The following ALMS1 variants were observed in gnomAD, a reference collection of about 807,000 sequenced individuals.
ALMS1 encodes the protein centrosome-associated protein ALMS1.
In ALMS1, 271 loss-of-function variants were observed where a neutral mutation model predicts 352.2. That is an observed-to-expected ratio of 0.77 (90% CI 0.70 to 0.85). ALMS1 has a LOEUF of 0.85. Ranked by LOEUF, ALMS1 falls within the 40% of genes least tolerant of loss-of-function variation. The pLI, the probability that ALMS1 is intolerant of heterozygous loss-of-function variation, is 0.00. For missense variants in ALMS1, 5,445 were observed against 4,870.7 expected (o/e 1.12, Z -3.51); for synonymous variants, 1,865 against 1,761.2 (o/e 1.06, Z -1.48).
intron 9 of ALMS1, among the ~76,000 whole-genome samples, chr2:73,469,061 T>A (rs193049453): frequency 4.6e-5 from 7 of 152,092 alleles, no homozygotes; most frequent in Non-Finnish European, 1.0e-4. Flanking sequence ...ACCCAATGAT[T>A]TACTGACTTC....
chr2:73,460,724 C>T (rs1022872607), intron 9 of ALMS1, among the ~76,000 whole-genome samples: 3 of 152,226 alleles, frequency 2.0e-5, no homozygotes, highest in African/African-American at 2.4e-5. Context: ...CCTGGAAAAT[C>T]GCATCACTCC....
At chr2:73,606,476 C>T (rs1041787958) in intron 21 of ALMS1, among the ~76,000 whole-genome samples, 1 of 152,208 alleles carries the variant, frequency 6.6e-6, no homozygotes, top group Non-Finnish European at 1.5e-5. Flanking sequence ...AGCTTGCCTA[C>T]AGGAAGACAG....
In ALMS1 at chr2:73,449,200, T is replaced by C. The variant is rs2103776078; in HGVS notation, c.2673T>C (p.Pro891=). Residue 891 remains proline, a synonymous_variant, in exon 8 of 23, where the codon CCT becomes CCC. Coordinates refer to ENST00000613296, the MANE Select transcript of ALMS1 (RefSeq NM_001378454.1). ...AGGCTCTGAAAGTATCAATTGTTCC[T>C]GGACCAGGTGATCAGAAGACTGGGA... is the stretch of plus-strand genomic sequence containing the variant. The part of the protein sequence containing the change: ...TEEALKVSIV[P]GPGDQKTGIP... 1.2e-6 allele frequency: 2 copies of C among 1,614,166 alleles called. No individual in the cohort carries two copies. Among genetic ancestry groups the C allele is most frequent in the Non-Finnish European group, 1.7e-6 (2 of 1,180,008 alleles).
At chr2:73,457,524 A>AT (rs1672092479) in intron 9 of ALMS1, among the ~76,000 whole-genome samples, 1 of 152,032 alleles carries the variant, frequency 6.6e-6, no homozygotes, top group South Asian at 2.1e-4. Context: ...ATTACAGGCC[A>AT]TTACGCCTCG....
Position 73,452,863 on chromosome 2 carries a change from T to A in ALMS1, c.6336T>A (p.Ser2112Arg), listed in dbSNP as rs6724782. 0.26 allele frequency: 415,911 copies of A among 1,613,406 alleles called. 66,846 individuals are homozygous for A. Among genetic ancestry groups the A allele is most frequent in the African/African-American group, 0.77 (58,036 of 74,982 alleles). ...TCAGTCCACAGGAATTGCCAGGTAGTCATGTAACTGAAGATGTGCTGAAGG... is the reference window on the plus strand; with the variant it reads ...TCAGTCCACAGGAATTGCCAGGTAGACATGTAACTGAAGATGTGCTGAAGG... Reference protein sequence around the residue: ...NIFSPQELPGSHVTEDVLKVS... With the variant: ...NIFSPQELPGRHVTEDVLKVS... The change falls in exon 8 of 23, where the codon AGT becomes AGA. Residue 2112 changes from serine (S) to arginine (R), a missense_variant. Transcript: ENST00000613296.
chr2:73,557,396 T>A, intron 14 of ALMS1, 42 bp downstream of exon 14: 1 of 1,612,838 alleles, frequency 6.2e-7, no homozygotes, highest in Non-Finnish European at 8.5e-7. Context: ...TCTTCTGGTC[T>A]TCTAAAATGA....
intron 10 of ALMS1, among the ~76,000 whole-genome samples, chr2:73,499,916 C>G (rs548148253): frequency 1.3e-3 from 195 of 152,286 alleles, no homozygotes; most frequent in Non-Finnish European, 2.4e-3. Flanking sequence ...TGGGCTCTCC[C>G]CTTACACTTC....
chr2:73,568,148 G>A (rs1674840922), intron 15 of ALMS1, among the ~76,000 whole-genome samples: 1 of 152,076 alleles, frequency 6.6e-6, no homozygotes, highest in South Asian at 2.1e-4. Flanking sequence ...AATGTACTAA[G>A]CCACAAATTT....
intron 11 of ALMS1, among the ~76,000 whole-genome samples, chr2:73,530,807 T>C (rs183926047): frequency 3.3e-4 from 50 of 152,346 alleles, no homozygotes; most frequent in African/African-American, 1.1e-3. Context: ...CTTCTGTGCA[T>C]CTGTAGGCCC....
At chr2:73,518,847 A>C (rs979832509) in intron 10 of ALMS1, among the ~76,000 whole-genome samples, 4 of 152,132 alleles carry the variant, frequency 2.6e-5, no homozygotes, top group African/African-American at 9.7e-5. Flanking sequence ...ATAGTTTGCA[A>C]ATATTTTCTT....
Position 73,601,414 on chromosome 2 carries a change from C to A in ALMS1, c.12092C>A (p.Pro4031Gln), listed in dbSNP as rs753052003. The A allele has an allele frequency of 1.9e-6, 3 of 1,614,066 alleles. No individual in the cohort carries two copies. Among genetic ancestry groups the A allele is most frequent in the Non-Finnish European group, 2.5e-6 (3 of 1,179,950 alleles). ...GREAGRDLLR[P>Q]FVRATLQESL... Reference sequence around the variant, plus strand: ...GAGGCTGGCAGAGACCTACTGAGGCCATTTGTGAGAGCAACCCTTCAGGTG... The same window carrying A: ...GAGGCTGGCAGAGACCTACTGAGGCAATTTGTGAGAGCAACCCTTCAGGTG... The change falls in exon 19 of 23, where the codon CCA (proline) becomes CAA (glutamine). Residue 4031 changes from proline to glutamine, a missense_variant. Physicochemically the swap from Pro to Gln is moderately conservative, Grantham distance 76. Coordinates refer to ENST00000613296, the MANE Select transcript of ALMS1 (RefSeq NM_001378454.1).
intron 1 of ALMS1, among the ~76,000 whole-genome samples, chr2:73,407,959 T>G (rs990063272): frequency 5.9e-5 from 9 of 152,132 alleles, no homozygotes. Flanking sequence ...TTTTTTTTTC[T>G]CTTTGTGTGC....
In ALMS1 at chr2:73,572,485, C is replaced by G. The variant is rs765108975; in HGVS notation, c.10608C>G (p.Asp3536Glu). 6.2e-7 allele frequency: 1 copy of G among 1,613,824 alleles called. No homozygotes were observed. Among genetic ancestry groups the G allele is most frequent in the Non-Finnish European group, 8.5e-7 (1 of 1,179,934 alleles). The change falls in exon 16 of 23, where the codon GAC (aspartate) becomes GAG (glutamate). Residue 3536 changes from aspartate (D) to glutamate (E), a missense_variant. Asp to Glu is a conservative substitution (Grantham distance 45). Transcript: ENST00000613296. ...TTCCTCTTCCTTATCAAAACATGGA[C>G]AAGACTAAGACAGATTATACCAGAA... ...MCLPLPYQNM[D>E]KTKTDYTRIK...
intron 14 of ALMS1, 26 bp from the exon 15 acceptor site, chr2:73,558,946 A>G (rs369522991): frequency 1.2e-5 from 20 of 1,613,030 alleles, no homozygotes; most frequent in Non-Finnish European, 1.5e-5. Context: ...TCCTGTCTGT[A>G]TAGTGTGTTA....
chr2:73,434,628 T>A (rs1277107004), intron 7 of ALMS1, among the ~76,000 whole-genome samples: 1 of 152,224 alleles, frequency 6.6e-6, no homozygotes, highest in Non-Finnish European at 1.5e-5. Context: ...ATTTTCTGTT[T>A]CCTTGTTGGT....
At chr2:73,539,961 A>G (rs1159038103) in intron 12 of ALMS1, among the ~76,000 whole-genome samples, 5 of 152,246 alleles carry the variant, frequency 3.3e-5, no homozygotes, top group African/African-American at 1.2e-4. Context: ...GATATTATCC[A>G]GGAGAACTTC....
chr2:73,475,534 T>C (rs187186805), intron 9 of ALMS1, among the ~76,000 whole-genome samples: 25 of 152,298 alleles, frequency 1.6e-4, no homozygotes, highest in Middle Eastern at 3.4e-3. Context: ...GAAATACCTA[T>C]TCAAATTCTT....
Position 73,489,810 on chromosome 2 carries a change from G to C in ALMS1, c.7851G>C (p.Gln2617His). Reference protein sequence around the residue: ...AGPSEMTRGRQNPSSCRAKHV... With the variant: ...AGPSEMTRGRHNPSSCRAKHV... Reference sequence around the variant, plus strand: ...CCTCAGAAATGACCAGAGGACGGCAGAACCCATCATCATGCAGAGCCAAGC... The same window carrying C: ...CCTCAGAAATGACCAGAGGACGGCACAACCCATCATCATGCAGAGCCAAGC... Residue 2617 changes from glutamine (Q) to histidine (H), a missense_variant, in exon 10 of 23, where the codon CAG (glutamine) becomes CAC (histidine). Transcript: ENST00000613296. 1 of 1,614,132 alleles carries C rather than the reference G, an allele frequency of 6.2e-7. No homozygotes were observed. The highest frequency in any genetic ancestry group is 8.5e-7 in the Non-Finnish European group (1 of 1,180,018).
chr2:73,455,433 T>G (rs966759230), intron 9 of ALMS1, 138 bp downstream of exon 9: 2 of 1,072,202 alleles, frequency 1.9e-6, no homozygotes, highest in Non-Finnish European at 1.4e-6. Context: ...TGAGACAGTC[T>G]TGCTCTGTTG....
Sources: allele counts gnomAD v4.1 joint callset (sites outside exome capture counted in the v4.1 genomes callset), GRCh38; gene constraint gnomAD v4.1.1; transcripts MANE v1.5; gene names NCBI Gene and HGNC (gene_info 2026-07-23, HGNC 2026-07-21).